Variants in HIVEP2 observed in about 807,000 individuals in gnomAD.
HIVEP2 encodes the protein transcription factor HIVEP2.
HIVEP2 carries 14 observed loss-of-function variants against 180.7 expected under a neutral mutation model. The ratio of observed to expected loss-of-function variants is 0.08; its 90% CI spans 0.05 to 0.12. The LOEUF (loss-of-function observed/expected upper bound fraction) is 0.12. Ranked by LOEUF, HIVEP2 falls within the 10% of genes least tolerant of loss-of-function variation. The pLI is 1.00. For missense variants in HIVEP2, 2,579 were observed against 3,008.5 expected (o/e 0.86, Z 3.34); for synonymous variants, 1,184 against 1,136.4 (o/e 1.04, Z -0.84).
rs897052208 is a variant in HIVEP2 at position 142,818,690 on chromosome 6, G to A, written c.-528+18245C>T. On this transcript the variant is annotated intron_variant, in intron 2 of 9. Coordinates refer to ENST00000367603, the MANE Select transcript of HIVEP2 (RefSeq NM_006734.4). The stretch of plus-strand genomic sequence containing the variant: ...TCAAAAAAAAAAAGAAAGAGAGAGA[G>A]ACAAGAAAGAAAGAAAGAAAGAAAG... 5.2e-5 allele frequency among the ~76,000 whole-genome samples: 2 copies of A among 38,662 alleles called. 1 individual carries two copies. Among genetic ancestry groups the A allele is most frequent in the Non-Finnish European group, 1.0e-4 (2 of 19,516 alleles). The allele number at this position is 38,662 out of a possible 152,430, so 25.4% of individuals were successfully genotyped here.
intron 2 of HIVEP2, among the ~76,000 whole-genome samples, chr6:142,795,848 C>T (rs1776264873): frequency 6.6e-6 from 1 of 152,170 alleles, no homozygotes; most frequent in Non-Finnish European, 1.5e-5. Flanking sequence ...TGGCCTCCTG[C>T]TTCTCAGTGC....
intron 7 of HIVEP2, among the ~76,000 whole-genome samples, chr6:142,762,555 A>G (rs1248399587): frequency 2.0e-5 from 3 of 151,980 alleles, no homozygotes; most frequent in East Asian, 1.9e-4. Flanking sequence ...ATTCAGTTGT[A>G]AGGCGCCTTT....
chr6:142,916,452 C>T (rs1777550817), intron 1 of HIVEP2, among the ~76,000 whole-genome samples: 2 of 152,160 alleles, frequency 1.3e-5, no homozygotes, highest in African/African-American at 2.4e-5. Context: ...TTCCTTTACG[C>T]CTTTGATTAG....
At chr6:142,941,181 C>G (rs1336183372) in intron 1 of HIVEP2, among the ~76,000 whole-genome samples, 1 of 152,182 alleles carries the variant, frequency 6.6e-6, no homozygotes, top group African/African-American at 2.4e-5. Flanking sequence ...CCAGTTTAGG[C>G]CTGTGTCTAT....
At chr6:142,926,989 A>T (rs1777832459) in intron 1 of HIVEP2, among the ~76,000 whole-genome samples, 1 of 151,354 alleles carries the variant, frequency 6.6e-6, no homozygotes, top group Non-Finnish European at 1.5e-5. Context: ...AGCCGCGTCC[A>T]GGGCAGGCAG....
Position 142,772,689 on chromosome 6 carries a change from C to A in HIVEP2, c.2050G>T (p.Val684Leu). The change falls in exon 5 of 10, where the codon GTA becomes TTA. Residue 684 changes from valine to leucine, a missense_variant. Val to Leu is a conservative substitution (Grantham distance 32). Transcript: ENST00000367603. This position sits in a 1 kb window ranked among gnomAD's most constrained non-coding sequence, Gnocchi z 4.9. Reference protein sequence around the residue: ...FMDPVVPLQGVPSMFGTTCEN... With the variant: ...FMDPVVPLQGLPSMFGTTCEN... ...CAGGTAGTTCCAAACATGCTTGGTA[C>A]TCCCTGCAATGGCACCACGGGATCC... is the stretch of plus-strand genomic sequence containing the variant. 2 of 1,614,230 alleles carry A rather than the reference C, an allele frequency of 1.2e-6. No individual in the cohort carries two copies. Among genetic ancestry groups the A allele is most frequent in the African/African-American group, 2.7e-5 (2 of 75,054 alleles).
intron 1 of HIVEP2, among the ~76,000 whole-genome samples, chr6:142,901,709 G>A (rs1777136355): frequency 6.6e-6 from 1 of 152,096 alleles, no homozygotes; most frequent in Non-Finnish European, 1.5e-5. Context: ...ATAATCTTGA[G>A]CCTCAATGTC....
chr6:142,850,567 T>C (rs1775621883), intron 1 of HIVEP2, among the ~76,000 whole-genome samples: 1 of 152,212 alleles, frequency 6.6e-6, no homozygotes, highest in African/African-American at 2.4e-5. Context: ...TTAAAATCAA[T>C]GCAATAATAA....
intron 1 of HIVEP2, among the ~76,000 whole-genome samples, chr6:142,913,808 C>A (rs1373656525): frequency 6.6e-6 from 1 of 152,212 alleles, no homozygotes; most frequent in Non-Finnish European, 1.5e-5. Context: ...CATCTCGTGG[C>A]TCACCATTGT....
intron 1 of HIVEP2, among the ~76,000 whole-genome samples, chr6:142,890,771 A>T (rs957992128): frequency 6.6e-6 from 1 of 152,242 alleles, no homozygotes; most frequent in Non-Finnish European, 1.5e-5. Flanking sequence ...TACAAAAAAC[A>T]CTTAAATCTC....
intron 2 of HIVEP2, chr6:142,788,527 A>G (rs1014286770): frequency 6.6e-6 from 1 of 152,296 alleles, no homozygotes; most frequent in African/African-American, 2.4e-5. Context: ...AGCCTAGCCA[A>G]CATGGTGAAA....
At chr6:142,889,315 T>C (rs1050069455) in intron 1 of HIVEP2, among the ~76,000 whole-genome samples, 2 of 152,100 alleles carry the variant, frequency 1.3e-5, no homozygotes, top group Non-Finnish European at 2.9e-5. Context: ...TACAAAATAT[T>C]AGCTGGGTGT....
At chr6:142,902,607 C>T (rs931590004) in intron 1 of HIVEP2, among the ~76,000 whole-genome samples, 1 of 152,120 alleles carries the variant, frequency 6.6e-6, no homozygotes, top group Admixed American at 6.5e-5. Context: ...TTCAGAACAC[C>T]TCAGTATGAC....
chr6:142,794,491 G>C (rs925065034), intron 2 of HIVEP2, among the ~76,000 whole-genome samples: 2 of 152,150 alleles, frequency 1.3e-5, no homozygotes, highest in African/African-American at 2.4e-5. Context: ...AAGAGAAGAA[G>C]AGCTTTCGTA....
chr6:142,846,309 T>A (rs6927858), intron 1 of HIVEP2, among the ~76,000 whole-genome samples: 26,939 of 151,996 alleles, frequency 0.18, 2,579 homozygotes, highest in South Asian at 0.22. Flanking sequence ...GAATATACAT[T>A]CCCAAATCTT....
At chr6:142,871,525 A>G (rs1776288840) in intron 1 of HIVEP2, among the ~76,000 whole-genome samples, 1 of 152,200 alleles carries the variant, frequency 6.6e-6, no homozygotes, top group Non-Finnish European at 1.5e-5. Context: ...AAACTTTATT[A>G]AAATAATTCT....
At chr6:142,786,133 T>C (rs927734544) in intron 2 of HIVEP2, among the ~76,000 whole-genome samples, 3 of 152,148 alleles carry the variant, frequency 2.0e-5, no homozygotes, top group Non-Finnish European at 4.4e-5. Flanking sequence ...TATTTCTCCA[T>C]CAAAATAAAA....
chr6:142,910,588 G>A (rs1777376481), intron 1 of HIVEP2, among the ~76,000 whole-genome samples: 1 of 152,196 alleles, frequency 6.6e-6, no homozygotes, highest in African/African-American at 2.4e-5. Flanking sequence ...GTGACACAGC[G>A]AGACTACGTC....
chr6:142,836,552 T>C (rs960598121), intron 2 of HIVEP2, among the ~76,000 whole-genome samples: 1 of 152,186 alleles, frequency 6.6e-6, no homozygotes, highest in African/African-American at 2.4e-5. Flanking sequence ...TTACTTCAAA[T>C]GTTCATTACA....
Sources: gnomAD v4.1 joint callset for allele counts (sites outside exome capture counted in the v4.1 genomes callset) on GRCh38, gnomAD v4.1.1 for gene constraint, Gnocchi (gnomAD v3.1) non-coding constraint, MANE v1.5 for transcripts, NCBI Gene and HGNC (gene_info 2026-07-23, HGNC 2026-07-21) for gene names.